Variants in SSBP3 observed in about 807,000 individuals in gnomAD.
The protein encoded by SSBP3 is single stranded DNA binding protein 3.
SSBP3 carries 5 observed loss-of-function variants against 69.6 expected under a neutral mutation model. The ratio of observed to expected loss-of-function variants is 0.07; its 90% CI spans 0.04 to 0.15. SSBP3 has a LOEUF of 0.15. Among genes scored for constraint, SSBP3 ranks in the 10% least tolerant of loss-of-function variants. The pLI is 1.00. For missense variants in SSBP3, 312 were observed against 534.0 expected, an observed-to-expected ratio of 0.58 and a Z score of 4.10; for synonymous variants, 196 against 193.4, an observed-to-expected ratio of 1.01 and a Z score of -0.11.
intron 12 of SSBP3, among the ~76,000 whole-genome samples, chr1:54,241,243 C>T (rs1467207197): frequency 6.6e-6 from 1 of 152,132 alleles, no homozygotes; most frequent in Non-Finnish European, 1.5e-5. Flanking sequence ...CGCCAAGCAG[C>T]CCACTGGTCA....
chr1:54,324,820 A>G (rs1482238851), intron 4 of SSBP3, among the ~76,000 whole-genome samples: 3 of 152,176 alleles, frequency 2.0e-5, no homozygotes, highest in Admixed American at 6.5e-5. Context: ...GGCAGGTCCA[A>G]TATGTCGGTA....
intron 4 of SSBP3, among the ~76,000 whole-genome samples, chr1:54,322,555 T>C (rs1431474653): frequency 1.3e-5 from 2 of 151,562 alleles, no homozygotes; most frequent in Non-Finnish European, 2.9e-5. Context: ...ACCTATCAAA[T>C]ACCATGTGAA....
chr1:54,234,985 A>G (rs1210569546), intron 14 of SSBP3, among the ~76,000 whole-genome samples: 1 of 152,198 alleles, frequency 6.6e-6, no homozygotes, highest in African/African-American at 2.4e-5. Context: ...CTTAAAATCC[A>G]TTTGACTTGT....
At chr1:54,378,327 T>C (rs569642802) in intron 4 of SSBP3, among the ~76,000 whole-genome samples, 2 of 152,344 alleles carry the variant, frequency 1.3e-5, no homozygotes, top group South Asian at 4.1e-4. Context: ...ATGTAACAAA[T>C]ATGGGTGCTT....
chr1:54,282,074 A>AATAATAATAATAATAATAATAAT (rs1553130865), intron 4 of SSBP3, among the ~76,000 whole-genome samples: 3 of 125,038 alleles, frequency 2.4e-5, no homozygotes, highest in African/African-American at 9.7e-5. Flanking sequence ...ATAATAATAA[A>AATAATAATAATAATAATAATAAT]AAAATGGGGG....
At chr1:54,333,728 T>C (rs2100471262) in intron 4 of SSBP3, among the ~76,000 whole-genome samples, 1 of 152,292 alleles carries the variant, frequency 6.6e-6, no homozygotes, top group Middle Eastern at 3.4e-3. Context: ...GTGATACATG[T>C]AACTGTTTAG....
At chr1:54,404,977 T>C (rs1300448710) in intron 1 of SSBP3, 47 bp from the exon 2 acceptor site, 2 of 1,542,864 alleles carry the variant, frequency 1.3e-6, no homozygotes, top group African/African-American at 2.7e-5. Context: ...AGGCGTCAGA[T>C]CCCACCGGCG....
intron 4 of SSBP3, among the ~76,000 whole-genome samples, chr1:54,321,534 A>C (rs1646213507): frequency 6.6e-6 from 1 of 152,234 alleles, no homozygotes; most frequent in South Asian, 2.1e-4. Context: ...GTCTGCACAA[A>C]CAAGTAGGGC....
chr1:54,258,781 CAGTG>C lies in SSBP3; in HGVS notation c.367-636_367-633del, dbSNP rs1267349019. ...ATGTAACACACAGGGAGTGAGGGGACAGTGAGTGAGGGCCACACGGTGTGGGCAG... is the reference window on the plus strand; with the variant it reads ...ATGTAACACACAGGGAGTGAGGGGACAGTGAGGGCCACACGGTGTGGGCAG... On this transcript the variant is annotated intron_variant, in intron 5 of 17. Transcript: ENST00000610401. The surrounding 1 kb of genome is among the most constrained non-coding windows in gnomAD (Gnocchi z 4.5). Among the ~76,000 whole-genome samples the C allele has an allele frequency of 3.3e-5, 5 of 152,158 alleles. No individual in the cohort carries two copies. Among genetic ancestry groups the C allele is most frequent in the African/African-American group, 1.2e-4 (5 of 41,430 alleles).
At chr1:54,315,984 T>C (rs1646090317) in intron 4 of SSBP3, among the ~76,000 whole-genome samples, 1 of 151,528 alleles carries the variant, frequency 6.6e-6, no homozygotes, top group Non-Finnish European at 1.5e-5. Context: ...CCGAAAATAA[T>C]TTGGCAAAGG....
chr1:54,256,263 T>C (rs1644919882), intron 7 of SSBP3, among the ~76,000 whole-genome samples: 1 of 152,240 alleles, frequency 6.6e-6, no homozygotes, highest in Non-Finnish European at 1.5e-5. Flanking sequence ...CTGGCGCTTC[T>C]GTCAGATTTT....
At chr1:54,398,301 T>G (rs146549168) in intron 4 of SSBP3, among the ~76,000 whole-genome samples, 1 of 152,206 alleles carries the variant, frequency 6.6e-6, no homozygotes, top group African/African-American at 2.4e-5. Flanking sequence ...ACAGCAGGTA[T>G]GTGTAGTGTA....
Position 54,362,792 on chromosome 1 carries a change from G to C in SSBP3, c.276+39069C>G, listed in dbSNP as rs913394198. Among the ~76,000 whole-genome samples, 26 of 152,226 alleles carry C rather than the reference G, an allele frequency of 1.7e-4. 1 individual carries two copies. Among genetic ancestry groups the C allele is most frequent in the Non-Finnish European group, 4.4e-5 (3 of 68,036 alleles). ...GTCTGAGCATCTGAGCCACACGCTA[G>C]ACTGCCCTGGGGATTAGTCCTGCTT... On this transcript the variant is annotated intron_variant, in intron 4 of 17. Transcript: ENST00000610401.
chr1:54,360,803 G>A (rs1361445663), intron 4 of SSBP3, among the ~76,000 whole-genome samples: 2 of 152,048 alleles, frequency 1.3e-5, no homozygotes, highest in East Asian at 1.9e-4. Flanking sequence ...CATGTGGCCA[G>A]GCACAGTGGC....
At chr1:54,402,560 T>C (rs1649389579) in intron 3 of SSBP3, among the ~76,000 whole-genome samples, 1 of 150,722 alleles carries the variant, frequency 6.6e-6, no homozygotes, top group Non-Finnish European at 1.5e-5. Context: ...GGAATTCTTA[T>C]GCAAGAACCA....
chr1:54,288,302 C>T (rs981349186), intron 4 of SSBP3, among the ~76,000 whole-genome samples: 9 of 152,160 alleles, frequency 5.9e-5, no homozygotes, highest in South Asian at 2.1e-4. Context: ...CTTCCTGCCC[C>T]GGGCCCTGGA....
intron 4 of SSBP3, among the ~76,000 whole-genome samples, chr1:54,380,155 G>A (rs1031759530): frequency 3.3e-5 from 5 of 152,154 alleles, no homozygotes; most frequent in Admixed American, 2.0e-4. Flanking sequence ...AGTTGGTGGC[G>A]GCCTCGGCTC....
At chr1:54,334,436 T>C (rs1450398182) in intron 4 of SSBP3, among the ~76,000 whole-genome samples, 1 of 152,186 alleles carries the variant, frequency 6.6e-6, no homozygotes, top group Non-Finnish European at 1.5e-5. Flanking sequence ...GCAAGCTAAA[T>C]GCTGTCATTT....
At chr1:54,231,728 T>C (rs1570183760) in intron 14 of SSBP3, among the ~76,000 whole-genome samples, 1 of 152,226 alleles carries the variant, frequency 6.6e-6, no homozygotes, top group Non-Finnish European at 1.5e-5. Flanking sequence ...GGGTTCTCAC[T>C]CTGTCGGCCA....
Sources: gnomAD v4.1 joint callset for allele counts (sites outside exome capture counted in the v4.1 genomes callset) on GRCh38, gnomAD v4.1.1 for gene constraint, Gnocchi (gnomAD v3.1) non-coding constraint, MANE v1.5 for transcripts, NCBI Gene and HGNC (gene_info 2026-07-23, HGNC 2026-07-21) for gene names.